The following ZNF251 variants were observed in gnomAD, a reference collection of about 807,000 sequenced individuals.
ZNF251 encodes the protein zinc finger protein 251.
A neutral mutation model predicts 13.5 loss-of-function variants in ZNF251; 14 were observed. The ratio of observed to expected loss-of-function variants is 1.04; its 90% CI spans 0.69 to 1.63. ZNF251 has a LOEUF of 1.63. Among genes scored for constraint, ZNF251 ranks in the 40% most tolerant of loss-of-function variants. The pLI is 0.00. For missense variants in ZNF251, 764 were observed against 834.9 expected (o/e 0.92, Z 1.05); for synonymous variants, 287 against 295.2 (o/e 0.97, Z 0.28).
chr8:144,753,042 C>T (rs1459475887), intron 4 of ZNF251, among the ~76,000 whole-genome samples: 4 of 151,426 alleles, frequency 2.6e-5, no homozygotes, highest in Non-Finnish European at 4.4e-5. Context: ...TTTGGGAGGT[C>T]GACATGGATC....
In ZNF251 at chr8:144,744,114, G is replaced by A. The variant is rs1053181379; in HGVS notation, c.277+9569C>T. Among the ~76,000 whole-genome samples, 5 of 150,260 alleles carry A rather than the reference G, an allele frequency of 3.3e-5. No homozygotes were observed. In the Admixed American group the frequency reaches 3.3e-4, roughly 10 times the overall value. On this transcript the variant is annotated intron_variant, in intron 4 of 4. Coordinates refer to ENST00000292562, the MANE Select transcript of ZNF251 (RefSeq NM_138367.2). ...CTGCAACCTCTGCCTCCCGGGTTCA[G>A]GCGATTCTCCTGCCTCAGCCTCTGG...
chr8:144,750,299 G>T (rs1006363320), intron 4 of ZNF251, among the ~76,000 whole-genome samples: 1 of 152,170 alleles, frequency 6.6e-6, no homozygotes, highest in African/African-American at 2.4e-5. Flanking sequence ...GTTTTCAGGT[G>T]TTGGGGTGGG....
intron 4 of ZNF251, among the ~76,000 whole-genome samples, chr8:144,732,228 C>A (rs1343830967): frequency 6.6e-6 from 1 of 152,166 alleles, no homozygotes; most frequent in Non-Finnish European, 1.5e-5. Context: ...CAGGTGTGAG[C>A]CACTGTGCCC....
intron 4 of ZNF251, among the ~76,000 whole-genome samples, chr8:144,740,440 C>T (rs1166895504): frequency 6.6e-6 from 1 of 151,894 alleles, no homozygotes; most frequent in African/African-American, 2.4e-5. Context: ...AGTTCGAGAC[C>T]ACCCTGGCCA....
At chr8:144,738,755 G>A in intron 4 of ZNF251, 1 of 984,868 alleles carries the variant, frequency 1.0e-6, no homozygotes, top group Non-Finnish European at 1.2e-6. Flanking sequence ...ACCTCGTGGG[G>A]GCACCTGTTT....
intron 4 of ZNF251, chr8:144,738,588 G>C (rs1824008648): frequency 1.0e-6 from 1 of 985,436 alleles, no homozygotes; most frequent in Non-Finnish European, 1.2e-6. Context: ...AGTCAAATTG[G>C]CAGCCTCGTG....
At position 144,722,987 on chromosome 8, in the gene ZNF251, T is replaced by C; in HGVS notation, c.673A>G (p.Ser225Gly). ...SKTFKYNSDL[S>G]RHQRSHTGEK... Reference sequence around the variant, plus strand: ...CCAGTGTGACTTCTCTGGTGTCTACTTAGGTCTGAATTATATTTGAAGGTT... The same window carrying C: ...CCAGTGTGACTTCTCTGGTGTCTACCTAGGTCTGAATTATATTTGAAGGTT... Residue 225 changes from serine (S) to glycine (G), a missense_variant, in exon 5 of 5, where the codon AGT becomes GGT. Coordinates refer to ENST00000292562, the MANE Select transcript of ZNF251 (RefSeq NM_138367.2). The surrounding 1 kb of genome is among the most constrained non-coding windows in gnomAD (Gnocchi z 4.8). The C allele has an allele frequency of 3.1e-6, 5 of 1,613,972 alleles. No individual in the cohort carries two copies. The highest frequency in any genetic ancestry group is 1.1e-5 in the South Asian group (1 of 91,080).
In ZNF251 at chr8:144,722,810, G is replaced by A. The variant is rs370963102; in HGVS notation, c.850C>T (p.Arg284Trp). 5.0e-5 allele frequency: 80 copies of A among 1,613,932 alleles called. No individual in the cohort carries two copies. Among genetic ancestry groups the A allele is most frequent in the Non-Finnish European group, 6.0e-5 (71 of 1,179,924 alleles). Residue 284 changes from arginine to tryptophan, a missense_variant, in exon 5 of 5, where the codon CGG (arginine) becomes TGG (tryptophan). Physicochemically the swap from Arg to Trp is moderately radical, Grantham distance 101. Transcript: ENST00000292562. This position sits in a 1 kb window ranked among gnomAD's most constrained non-coding sequence, Gnocchi z 4.8. ...FGLNSHLRLH[R>W]RIHTGEKPFG... ...GGTTTTTCTCCAGTGTGAATTCTCC[G>A]ATGAAGACGGAGGTGAGAATTGAGT...
chr8:144,737,634 C>G (rs1266071139), intron 4 of ZNF251, among the ~76,000 whole-genome samples: 1 of 151,832 alleles, frequency 6.6e-6, no homozygotes, highest in Non-Finnish European at 1.5e-5. Context: ...AGATCGAGAC[C>G]ATCCTGGCTA....
chr8:144,743,660 C>T (rs564454929), intron 4 of ZNF251, among the ~76,000 whole-genome samples: 3 of 152,270 alleles, frequency 2.0e-5, no homozygotes, highest in South Asian at 4.1e-4. Context: ...GAGTGACCAC[C>T]GTTTTGCATC....
intron 2 of ZNF251, 36 bp downstream of exon 2, chr8:144,754,654 GGATGAA>G (rs1824870184): frequency 6.3e-7 from 1 of 1,584,594 alleles, no homozygotes; most frequent in African/African-American, 1.3e-5. Context: ...ACTGGGATGG[GGATGAA>G]GATGAAGAGG....
intron 3 of ZNF251, 111 bp downstream of exon 3, chr8:144,754,081 C>T (rs1824834152): frequency 2.8e-6 from 4 of 1,424,528 alleles, no homozygotes; most frequent in South Asian, 1.4e-5. Context: ...CAGACTGATA[C>T]CCGGGGACAA....
At position 144,734,108 on chromosome 8, in the gene ZNF251, G is replaced by A. The variant is rs573526505; in HGVS notation, c.278-10726C>T. Among the ~76,000 whole-genome samples, 1 of 152,148 alleles carries A rather than the reference G, an allele frequency of 6.6e-6. No homozygotes were observed. The highest frequency in any genetic ancestry group is 1.5e-5 in the Non-Finnish European group (1 of 68,030). ...TTTCCGAAATCCTGACCCAGGAGGC[G>A]CCCACTCAGACCACAGTCCCTCTGT... On this transcript the variant is annotated intron_variant, in intron 4 of 4. Coordinates refer to ENST00000292562, the MANE Select transcript of ZNF251 (RefSeq NM_138367.2). The surrounding 1 kb of genome is among the most constrained non-coding windows in gnomAD (Gnocchi z 4.4).
intron 4 of ZNF251, 35 bp downstream of exon 4, chr8:144,753,648 G>A: frequency 1.3e-6 from 2 of 1,514,940 alleles, no homozygotes; most frequent in East Asian, 2.4e-5. Context: ...GGATTGGGAG[G>A]CTGCTCCCAG....
At chr8:144,724,816 T>C (rs562580396) in intron 4 of ZNF251, among the ~76,000 whole-genome samples, 1 of 152,360 alleles carries the variant, frequency 6.6e-6, no homozygotes, top group South Asian at 2.1e-4. Flanking sequence ...TCTAAAATTA[T>C]ATGCACAGCA....
intron 4 of ZNF251, among the ~76,000 whole-genome samples, chr8:144,747,568 A>G (rs1443951828): frequency 2.0e-5 from 3 of 152,242 alleles, no homozygotes; most frequent in Non-Finnish European, 4.4e-5. Flanking sequence ...CAGTGAACTC[A>G]TCTATTTCCC....
Position 144,721,783 on chromosome 8 carries a change from A to ATT in ZNF251, c.1876_1877insAA (p.Val626GlufsTer27). ...ACTCTGGCTGAAGGCTTTCCCATAC[A>ATT]CACTGCAATGACATGGTTTCTGACC... On this transcript the variant is annotated frameshift_variant, in exon 5 of 5. Coordinates refer to ENST00000292562, the MANE Select transcript of ZNF251 (RefSeq NM_138367.2). LOFTEE classifies it low-confidence loss of function (END_TRUNC). 1 of 1,461,432 alleles carries ATT rather than the reference A, an allele frequency of 6.8e-7. No individual in the cohort carries two copies. Among genetic ancestry groups the ATT allele is most frequent in the Non-Finnish European group, 9.0e-7 (1 of 1,105,452 alleles). 90.5% of individuals were successfully genotyped at this position (1,461,432 alleles called of 1,614,324 possible).
At chr8:144,747,108 T>G (rs577021632) in intron 4 of ZNF251, among the ~76,000 whole-genome samples, 1 of 152,350 alleles carries the variant, frequency 6.6e-6, no homozygotes, top group Non-Finnish European at 1.5e-5. Flanking sequence ...TGCTATAAAT[T>G]TCCCTCTAAG....
Position 144,722,108 on chromosome 8 carries a change from A to T in ZNF251, c.1552T>A (p.Cys518Ser). The T allele has an allele frequency of 6.2e-7, 1 of 1,614,026 alleles. No individual in the cohort carries two copies. The highest frequency in any genetic ancestry group is 8.5e-7 in the Non-Finnish European group (1 of 1,179,932). The change falls in exon 5 of 5, where the codon TGC becomes AGC. Residue 518 changes from cysteine to serine, a missense_variant. By Grantham distance (112) the Cys-to-Ser change is moderately radical. Transcript: ENST00000292562. This position sits in a 1 kb window ranked among gnomAD's most constrained non-coding sequence, Gnocchi z 4.8. ...ACAAAGGCTGGACCATGTTTTCTGC[A>T]CTTACGAGTCTCTCCGCTGTGAACT... is the stretch of plus-strand genomic sequence containing the variant. ...QKVHSGETRK[C>S]RKHGPAFVHG...
Sources: allele counts gnomAD v4.1 joint callset (sites outside exome capture counted in the v4.1 genomes callset), GRCh38; gene constraint gnomAD v4.1.1; non-coding constraint Gnocchi (gnomAD v3.1); transcripts MANE v1.5; gene names NCBI Gene and HGNC (gene_info 2026-07-23, HGNC 2026-07-21).